SPATS2L: variants seen among roughly 807,000 people sequenced by gnomAD.
SPATS2L encodes SPATS2-like protein.
SPATS2L carries 30 observed loss-of-function variants against 59.6 expected under a neutral mutation model. That is an observed-to-expected ratio of 0.50 (90% CI 0.38 to 0.68). SPATS2L has a LOEUF of 0.68. Ranked by LOEUF, SPATS2L falls within the 30% of genes least tolerant of loss-of-function variation. SPATS2L has a pLI of 0.00. For missense variants in SPATS2L, 615 were observed against 700.0 expected (o/e 0.88, Z 1.37); for synonymous variants, 252 against 263.5 (o/e 0.96, Z 0.42).
intron 7 of SPATS2L, among the ~76,000 whole-genome samples, chr2:200,439,730 A>T (rs2084558551): frequency 6.6e-6 from 1 of 152,194 alleles, no homozygotes; most frequent in African/African-American, 2.4e-5. Flanking sequence ...ATGAGTCTGG[A>T]GGCTGGTATA....
intron 2 of SPATS2L, among the ~76,000 whole-genome samples, chr2:200,349,928 T>C (rs553506629): frequency 6.6e-6 from 1 of 152,282 alleles, no homozygotes; most frequent in African/African-American, 2.4e-5. Flanking sequence ...ATCTCCTGCC[T>C]GGGGGTCTAA....
At chr2:200,313,359 T>C (rs1163162469) in intron 1 of SPATS2L, among the ~76,000 whole-genome samples, 4 of 152,240 alleles carry the variant, frequency 2.6e-5, no homozygotes, top group Admixed American at 6.5e-5. Flanking sequence ...TAAGTAGTAC[T>C]ATTAAAGAGA....
At chr2:200,373,173 T>C (rs1414371372) in intron 2 of SPATS2L, 1 of 149,348 alleles carries the variant, frequency 6.7e-6, no homozygotes, top group African/African-American at 2.5e-5. Flanking sequence ...AAAAACTAAC[T>C]ACGTTGGTCT....
chr2:200,465,904 C>T (rs1426951312), intron 9 of SPATS2L, among the ~76,000 whole-genome samples: 2 of 152,080 alleles, frequency 1.3e-5, no homozygotes, highest in Non-Finnish European at 2.9e-5. Flanking sequence ...TGGTGGCGGG[C>T]GCCTGTAGTC....
Position 200,399,568 on chromosome 2 carries a change from T to A in SPATS2L, c.39+10285T>A, listed in dbSNP as rs1283601332. Among the ~76,000 whole-genome samples the A allele has an allele frequency of 2.9e-5, 4 of 138,480 alleles. No individual in the cohort carries two copies. The East Asian group carries it at 9.6e-4, about 33-fold the overall frequency. The allele number at this position is 138,480 out of a possible 152,430, so 90.8% of individuals were successfully genotyped here. On this transcript the variant is annotated intron_variant, in intron 3 of 12. Transcript: ENST00000409140. ...TAGTTTTAATTCTTTTTTACTGCCT[T>A]TAGAGGAAAAGCAAACAAATAAACT...
chr2:200,375,719 C>T (rs1304805816), intron 2 of SPATS2L, among the ~76,000 whole-genome samples: 4 of 152,288 alleles, frequency 2.6e-5, no homozygotes, highest in African/African-American at 2.4e-5. Flanking sequence ...CTCCACCTCC[C>T]GGGCTCAAGT....
intron 2 of SPATS2L, 75 bp from the exon 3 acceptor site, chr2:200,389,148 G>A: frequency 1.1e-6 from 1 of 890,630 alleles, no homozygotes; most frequent in South Asian, 1.6e-5. Context: ...GTTGTTTACT[G>A]TGTTGGAAGA....
rs957928383 is a variant in SPATS2L, at chr2:200,479,819, G to T, written c.*1788G>T. On this transcript the variant is annotated 3_prime_UTR_variant, in exon 13 of 13. Transcript: ENST00000409140. Reference sequence around the variant, plus strand: ...CACGCAAGCATCTGTTTCTTCTTTTGCCAAGTACAGGAGGATGTTTGCTCT... The same window carrying T: ...CACGCAAGCATCTGTTTCTTCTTTTTCCAAGTACAGGAGGATGTTTGCTCT... 8 of 398,328 alleles carry T rather than the reference G, an allele frequency of 2.0e-5. No individual in the cohort carries two copies. The highest frequency in any genetic ancestry group is 2.2e-5 in the Non-Finnish European group (5 of 226,076). 24.7% of individuals were successfully genotyped at this position (398,328 alleles called of 1,614,324 possible). A position where few individuals can be genotyped will look rare whatever the true frequency, so the allele number is the denominator to read the frequency against.
At chr2:200,417,439 A>G (rs563183950) in intron 5 of SPATS2L, among the ~76,000 whole-genome samples, 96 of 152,236 alleles carry the variant, frequency 6.3e-4, no homozygotes, top group African/African-American at 2.2e-3. Flanking sequence ...TGAGATGAAC[A>G]TGATTTGCAA....
chr2:200,467,179 G>A (rs747567873), intron 9 of SPATS2L, 111 bp from the exon 10 acceptor site: 26 of 751,176 alleles, frequency 3.5e-5, no homozygotes, highest in African/African-American at 7.0e-5. Flanking sequence ...AAACACAGTC[G>A]TGGTCCAACA....
At position 200,466,972 on chromosome 2, in the gene SPATS2L, G is replaced by A. The variant is rs183034914; in HGVS notation, c.848-318G>A. Among the ~76,000 whole-genome samples the A allele has an allele frequency of 5.3e-4, 80 of 152,284 alleles. 1 individual carries two copies. The highest frequency in any genetic ancestry group is 3.4e-3 in the Middle Eastern group (1 of 294). On this transcript the variant is annotated intron_variant, in intron 9 of 12. Coordinates refer to ENST00000409140, the MANE Select transcript of SPATS2L (RefSeq NM_001100423.2). ...TAATAAGTGTTGTTTTTCAGAGATC[G>A]TTGTTCGGAGTAACAAATTTCAAAA...
chr2:200,437,886 T>A (rs35615439), intron 6 of SPATS2L, among the ~76,000 whole-genome samples: 1 of 152,172 alleles, frequency 6.6e-6, no homozygotes, highest in Non-Finnish European at 1.5e-5. Context: ...ATATTCATTG[T>A]TTTTTATTTT....
chr2:200,340,562 C>T (rs1260904444), intron 2 of SPATS2L, among the ~76,000 whole-genome samples: 3 of 152,068 alleles, frequency 2.0e-5, no homozygotes, highest in South Asian at 2.1e-4. Context: ...TCTTTCAGAG[C>T]GCTCACATGG....
rs1287236381 is a variant in SPATS2L at position 200,482,056 on chromosome 2, C to T, written c.*4025C>T. On this transcript the variant is annotated 3_prime_UTR_variant, in exon 13 of 13. Transcript: ENST00000409140. ...CAAAAAAAAAGGAAAAAAAGCAGTT[C>T]GCCTAATACATTGTTCCAGCATTTC... is the stretch of plus-strand genomic sequence containing the variant. The T allele has an allele frequency of 6.6e-6, 1 of 152,146 alleles. No individual in the cohort carries two copies. Among genetic ancestry groups the T allele is most frequent in the African/African-American group, 2.4e-5 (1 of 41,424 alleles). The allele number at this position is 152,146 out of a possible 1,614,324, so 9.4% of individuals were successfully genotyped here. A position where few individuals can be genotyped will look rare whatever the true frequency, so the allele number is the denominator to read the frequency against.
chr2:200,403,490 T>C (rs529391479), intron 3 of SPATS2L, among the ~76,000 whole-genome samples: 2 of 152,308 alleles, frequency 1.3e-5, no homozygotes, highest in South Asian at 4.1e-4. Context: ...TAACATCCCT[T>C]CTCTGAGCAT....
chr2:200,416,427 AGG>A lies in SPATS2L; in HGVS notation c.198_198+1del. On this transcript the variant is annotated splice_donor_variant and coding_sequence_variant, in exon 5 of 13. Transcript: ENST00000409140. LOFTEE classifies it high-confidence loss of function. ...GAATGGAATATGACAGGAAAAAAGAAGGTAAGATTAATATTGATTGTAAATTG... is the reference window on the plus strand; with the variant it reads ...GAATGGAATATGACAGGAAAAAAGAATAAGATTAATATTGATTGTAAATTG... The A allele has an allele frequency of 6.9e-7, 1 of 1,454,492 alleles. No individual in the cohort carries two copies. The highest frequency in any genetic ancestry group is 9.3e-7 in the Non-Finnish European group (1 of 1,072,822). 90.1% of individuals were successfully genotyped at this position (1,454,492 alleles called of 1,614,324 possible). A position where few individuals can be genotyped will look rare whatever the true frequency, so the allele number is the denominator to read the frequency against.
At chr2:200,349,298 C>T (rs963890723) in intron 2 of SPATS2L, among the ~76,000 whole-genome samples, 1 of 152,030 alleles carries the variant, frequency 6.6e-6, no homozygotes, top group African/African-American at 2.4e-5. Flanking sequence ...ATGAGGAAAC[C>T]GAGATCTAGA....
intron 2 of SPATS2L, among the ~76,000 whole-genome samples, chr2:200,352,566 G>A (rs151067139): frequency 1.3e-5 from 2 of 151,696 alleles, no homozygotes; most frequent in East Asian, 3.9e-4. Flanking sequence ...GGATTTAATG[G>A]CAGGGGGCCT....
chr2:200,327,645 A>G (rs1464437661), intron 1 of SPATS2L, among the ~76,000 whole-genome samples: 1 of 152,262 alleles, frequency 6.6e-6, no homozygotes, highest in Non-Finnish European at 1.5e-5. Flanking sequence ...TTTGTGGGGC[A>G]TAAAGAAAAT....
Sources: allele counts gnomAD v4.1 joint callset (sites outside exome capture counted in the v4.1 genomes callset), GRCh38; gene constraint gnomAD v4.1.1; transcripts MANE v1.5; gene names NCBI Gene and HGNC (gene_info 2026-07-23, HGNC 2026-07-21).